The following FBXO22 variants were observed in gnomAD, a reference collection of about 807,000 sequenced individuals.
The protein encoded by FBXO22 is F-box only protein 22.
FBXO22 carries 13 observed loss-of-function variants against 37.2 expected under a neutral mutation model. The ratio of observed to expected loss-of-function variants is 0.35; its 90% confidence interval spans 0.23 to 0.56. The LOEUF is 0.56. Among genes scored for constraint, FBXO22 ranks in the 20% least tolerant of loss-of-function variants. The pLI, the probability that FBXO22 is intolerant of heterozygous loss-of-function variation, is 0.87. For synonymous variants in FBXO22, 189 were observed against 189.1 expected (o/e 1.00, Z 0.00); for missense variants, 446 against 509.9 (o/e 0.87, Z 1.21).
intron 2 of FBXO22, among the ~76,000 whole-genome samples, chr15:75,907,878 G>C (rs1438935847): frequency 6.6e-6 from 1 of 152,056 alleles, no homozygotes; most frequent in African/African-American, 2.4e-5. Flanking sequence ...GGGAGATGGA[G>C]TTTGCTTGAG....
chr15:75,928,999 T>C (rs2029905765), intron 5 of FBXO22, among the ~76,000 whole-genome samples: 1 of 152,212 alleles, frequency 6.6e-6, no homozygotes, highest in South Asian at 2.1e-4. Flanking sequence ...TAGGCTGCTG[T>C]AACAAAGTAC....
intron 2 of FBXO22, among the ~76,000 whole-genome samples, chr15:75,906,228 G>C (rs180852836): frequency 6.6e-6 from 1 of 152,108 alleles, no homozygotes. Context: ...TACCTGCCTT[G>C]GTCCTGGAAT....
Position 75,940,452 on chromosome 15 carries a change from GAT to G in FBXO22, c.*7351_*7352del, listed in dbSNP as rs1491199700. Reference sequence around the variant, plus strand: ...ACTACAGTCTCTATCAGAATCCTAGGATTTTTTTTTTTTTTTTTGCAGAAATA... The same window carrying G: ...ACTACAGTCTCTATCAGAATCCTAGGTTTTTTTTTTTTTTTTGCAGAAATA... On this transcript the variant is annotated 3_prime_UTR_variant, in exon 7 of 7. Transcript: ENST00000308275. The G allele has an allele frequency of 1.5e-5, 2 of 137,250 alleles. No individual in the cohort carries two copies. The highest frequency in any genetic ancestry group is 3.2e-5 in the Non-Finnish European group (2 of 62,738). 8.5% of individuals were successfully genotyped at this position (137,250 alleles called of 1,614,324 possible).
chr15:75,912,410 TG>T (rs1900079437), intron 2 of FBXO22, among the ~76,000 whole-genome samples: 1 of 152,194 alleles, frequency 6.6e-6, no homozygotes, highest in Admixed American at 6.5e-5. Context: ...GGGCTTTTTT[TG>T]GTTGGTAGGC....
At chr15:75,907,721 C>T (rs924774299) in intron 2 of FBXO22, among the ~76,000 whole-genome samples, 4 of 151,864 alleles carry the variant, frequency 2.6e-5, no homozygotes, top group Non-Finnish European at 5.9e-5. Flanking sequence ...CATGGTGAAA[C>T]CCCGTCTCCA....
Position 75,904,102 on chromosome 15 carries a change from T to C in FBXO22, c.139T>C (p.Cys47Arg). Residue 47 changes from cysteine to arginine, a missense_variant and splice_region_variant, in exon 1 of 7, where the codon TGC (cysteine) becomes CGC (arginine). Transcript: ENST00000308275. ...CGCCAAGGCGTTGCTGCGGGTGGCC[T>C]GGTGAGGAGAGGAGGCGGAGGCGGG... The part of the protein sequence containing the change: ...LPAKALLRVA[C>R]VCRLWRECVR... 2 of 1,540,844 alleles carry C rather than the reference T, an allele frequency of 1.3e-6. No individual in the cohort carries two copies. Among genetic ancestry groups the C allele is most frequent in the Non-Finnish European group, 1.8e-6 (2 of 1,140,972 alleles).
intron 2 of FBXO22, among the ~76,000 whole-genome samples, chr15:75,908,250 A>T (rs997381515): frequency 7.3e-5 from 11 of 150,480 alleles, no homozygotes; most frequent in Admixed American, 7.3e-4. Context: ...TGCCACTAAG[A>T]CCTAAATCTG....
chr15:75,920,249 C>T (rs940507904), intron 5 of FBXO22, among the ~76,000 whole-genome samples: 1 of 152,178 alleles, frequency 6.6e-6, no homozygotes, highest in African/African-American at 2.4e-5. Flanking sequence ...CAGAGTTGGT[C>T]AGGTGGTTAG....
chr15:75,914,349 T>C (rs1900136618), intron 4 of FBXO22, 144 bp downstream of exon 4: 1 of 616,348 alleles, frequency 1.6e-6, no homozygotes, highest in African/African-American at 1.9e-5. Context: ...ACCATGGCAT[T>C]ATATTTGCCT....
intron 5 of FBXO22, among the ~76,000 whole-genome samples, chr15:75,924,510 C>G (rs1900398654): frequency 6.6e-6 from 1 of 152,192 alleles, no homozygotes; most frequent in Non-Finnish European, 1.5e-5. Flanking sequence ...TCTCCTCCAC[C>G]TACACTGGAG....
Position 75,919,020 on chromosome 15 carries a change from T to C in FBXO22, c.628+1626T>C, listed in dbSNP as rs550911856. 2.6e-5 allele frequency among the ~76,000 whole-genome samples: 4 copies of C among 152,296 alleles called. No homozygotes were observed. The South Asian group carries it at 8.3e-4, about 32-fold the overall frequency. ...TTGCCCAGGCTGGAGTGCGGTGGCA[T>C]GATCTCAGCTCACTGCTACTTCTAC... On this transcript the variant is annotated intron_variant, in intron 5 of 6. Coordinates refer to ENST00000308275, the MANE Select transcript of FBXO22 (RefSeq NM_147188.3).
Position 75,940,207 on chromosome 15 carries a change from C to G in FBXO22, c.*7105C>G, listed in dbSNP as rs559325330. 6.6e-6 allele frequency: 1 copy of G among 151,064 alleles called. No homozygotes were observed. Among genetic ancestry groups the G allele is most frequent in the South Asian group, 2.1e-4 (1 of 4,792 alleles). The allele number at this position is 151,064 out of a possible 1,614,324, so 9.4% of individuals were successfully genotyped here. A position where few individuals can be genotyped will look rare whatever the true frequency, so the allele number is the denominator to read the frequency against. The stretch of plus-strand genomic sequence containing the variant: ...ATTCCTATACACTAACAATGAACAA[C>G]CTGAGAAGGAAATTACAAGAACAGT... On this transcript the variant is annotated 3_prime_UTR_variant, in exon 7 of 7. Transcript: ENST00000308275.
At chr15:75,931,510 G>A (rs1324576091) in intron 6 of FBXO22, among the ~76,000 whole-genome samples, 2 of 152,172 alleles carry the variant, frequency 1.3e-5, no homozygotes, top group Non-Finnish European at 2.9e-5. Flanking sequence ...TTTAAGAGCA[G>A]CAGAGGACTT....
chr15:75,904,352 G>T (rs1899871756), intron 1 of FBXO22, 139 bp from the exon 2 acceptor site: 4 of 1,315,254 alleles, frequency 3.0e-6, no homozygotes, highest in Non-Finnish European at 3.2e-6. Context: ...CTAGCGCCCT[G>T]ACTGACACCT....
chr15:75,907,064 T>G (rs1210077866), intron 2 of FBXO22, among the ~76,000 whole-genome samples: 1 of 152,112 alleles, frequency 6.6e-6, no homozygotes, highest in Non-Finnish European at 1.5e-5. Flanking sequence ...TTAAAAAGTT[T>G]TCTATGGTTT....
chr15:75,904,022 C>G lies in FBXO22; in HGVS notation c.59C>G (p.Thr20Ser). The G allele has an allele frequency of 6.3e-7, 1 of 1,577,640 alleles. No homozygotes were observed. Among genetic ancestry groups the G allele is most frequent in the Non-Finnish European group, 8.6e-7 (1 of 1,161,458 alleles). ...GGCTCCTCCGTAGACCCGCGGAGCA[C>G]CTTCGTGTTGAGTAACCTGGCGGAG... is the stretch of plus-strand genomic sequence containing the variant. ...CRGSSVDPRS[T>S]FVLSNLAEVV... Residue 20 changes from threonine to serine, a missense_variant, in exon 1 of 7, where the codon ACC (threonine) becomes AGC (serine). Physicochemically the swap from Thr to Ser is moderately conservative, Grantham distance 58. Transcript: ENST00000308275.
At chr15:75,924,595 T>G (rs1366442648) in intron 5 of FBXO22, among the ~76,000 whole-genome samples, 2 of 152,094 alleles carry the variant, frequency 1.3e-5, no homozygotes, top group African/African-American at 4.8e-5. Context: ...GAGAGAAGCT[T>G]CCCTCCCTGG....
In FBXO22 at chr15:75,904,093, C is replaced by T. The variant is rs1201746610; in HGVS notation, c.130C>T (p.Arg44Trp). 2 of 1,544,204 alleles carry T rather than the reference C, an allele frequency of 1.3e-6. No homozygotes were observed. The highest frequency in any genetic ancestry group is 2.0e-5 in the Admixed American group (1 of 50,562). Residue 44 changes from arginine to tryptophan, a missense_variant, in exon 1 of 7, where the codon CGG becomes TGG. By Grantham distance (101) the Arg-to-Trp change is moderately radical. This residue lies in a region of FBXO22 where 131 missense variants were observed against 99.8 expected (regional missense o/e 1.31). Coordinates refer to ENST00000308275, the MANE Select transcript of FBXO22 (RefSeq NM_147188.3). Reference protein sequence around the residue: ...LTFLPAKALLRVACVCRLWRE... With the variant: ...LTFLPAKALLWVACVCRLWRE... Reference sequence around the variant, plus strand: ...CTTCCTGCCCGCCAAGGCGTTGCTGCGGGTGGCCTGGTGAGGAGAGGAGGC... The same window carrying T: ...CTTCCTGCCCGCCAAGGCGTTGCTGTGGGTGGCCTGGTGAGGAGAGGAGGC...
chr15:75,940,980 T>C lies in FBXO22; in HGVS notation c.*7878T>C, dbSNP rs758234790. ...TAAAATTTTGTGCATCAAAGAACAC[T>C]ATCAACAGAGTAAAAAGATTACCTA... On this transcript the variant is annotated 3_prime_UTR_variant, in exon 7 of 7. Transcript: ENST00000308275. The C allele has an allele frequency of 2.8e-4, 42 of 152,122 alleles. No homozygotes were observed. The highest frequency in any genetic ancestry group is 3.9e-4 in the Admixed American group (6 of 15,276). 9.4% of individuals were successfully genotyped at this position (152,122 alleles called of 1,614,324 possible).
Sources: allele counts gnomAD v4.1 joint callset (sites outside exome capture counted in the v4.1 genomes callset), GRCh38; gene constraint gnomAD v4.1.1; regional missense constraint gnomAD v4.1.1; transcripts MANE v1.5; gene names NCBI Gene and HGNC (gene_info 2026-07-23, HGNC 2026-07-21).